Variants in TMEM135 observed in about 807,000 individuals in gnomAD.
TMEM135 encodes the protein transmembrane protein 135.
TMEM135 carries 30 observed loss-of-function variants against 60.3 expected under a neutral mutation model. The ratio of observed to expected loss-of-function variants is 0.50; its 90% confidence interval spans 0.37 to 0.68. TMEM135 has a LOEUF of 0.68. Ranked by LOEUF, TMEM135 falls within the 30% of genes least tolerant of loss-of-function variation. The pLI is 0.00. For synonymous variants in TMEM135, 190 were observed against 186.7 expected (o/e 1.02, Z -0.14); for missense variants, 468 against 548.8 (o/e 0.85, Z 1.47).
chr11:87,223,581 T>TG (rs1378317757), intron 5 of TMEM135, among the ~76,000 whole-genome samples: 2 of 151,954 alleles, frequency 1.3e-5, no homozygotes, highest in African/African-American at 2.4e-5. Context: ...AGTCTGGGCA[T>TG]GGGGGGATCA....
intron 1 of TMEM135, among the ~76,000 whole-genome samples, chr11:87,043,750 A>C (rs75824674): frequency 0.019 from 2,911 of 152,040 alleles, 100 homozygotes; most frequent in East Asian, 0.061. Flanking sequence ...AACAAAAAAA[A>C]CTGTTTAACC....
At chr11:87,292,568 G>T (rs372155868) in intron 6 of TMEM135, among the ~76,000 whole-genome samples, 2 of 152,042 alleles carry the variant, frequency 1.3e-5, no homozygotes, top group South Asian at 2.1e-4. Flanking sequence ...CATTGAACAC[G>T]GATTACAATT....
intron 1 of TMEM135, among the ~76,000 whole-genome samples, chr11:87,065,012 A>G (rs926615545): frequency 2.6e-5 from 4 of 151,740 alleles, no homozygotes; most frequent in African/African-American, 7.3e-5. Context: ...TGTTTCATAT[A>G]TGCTTTTTAT....
intron 5 of TMEM135, among the ~76,000 whole-genome samples, chr11:87,194,411 G>A (rs1487091922): frequency 6.6e-6 from 1 of 152,106 alleles, no homozygotes; most frequent in Non-Finnish European, 1.5e-5. Flanking sequence ...CGTTTAGTGG[G>A]CAAAGACTTT....
At chr11:87,251,075 T>C (rs1045006148) in intron 6 of TMEM135, among the ~76,000 whole-genome samples, 1 of 152,170 alleles carries the variant, frequency 6.6e-6, no homozygotes, top group South Asian at 2.1e-4. Context: ...GTGTGAAAAT[T>C]GAATACAAGC....
intron 6 of TMEM135, among the ~76,000 whole-genome samples, chr11:87,246,509 G>C (rs988551757): frequency 8.5e-5 from 13 of 152,150 alleles, no homozygotes; most frequent in South Asian, 2.1e-4. Context: ...TAGATTTGGT[G>C]TTTTCACATA....
intron 1 of TMEM135, among the ~76,000 whole-genome samples, chr11:87,043,794 G>A (rs1010878769): frequency 1.1e-4 from 17 of 152,022 alleles, no homozygotes; most frequent in Admixed American, 7.9e-4. Flanking sequence ...GAAAGCATAA[G>A]GCCCTTGTTT....
At chr11:87,254,471 A>G (rs1941482602) in intron 6 of TMEM135, among the ~76,000 whole-genome samples, 1 of 152,136 alleles carries the variant, frequency 6.6e-6, no homozygotes, top group African/African-American at 2.4e-5. Context: ...TTCATTTTAA[A>G]TTTGTCATGG....
intron 6 of TMEM135, among the ~76,000 whole-genome samples, chr11:87,239,795 A>G (rs981409453): frequency 6.6e-6 from 1 of 151,938 alleles, no homozygotes; most frequent in East Asian, 1.9e-4. Flanking sequence ...AGTTTCATAA[A>G]TATTTTCCAA....
chr11:87,263,331 T>C (rs1401271986), intron 6 of TMEM135, among the ~76,000 whole-genome samples: 6 of 152,202 alleles, frequency 3.9e-5, no homozygotes, highest in Admixed American at 2.0e-4. Context: ...TAAATTCTGA[T>C]TCTTCATATT....
At chr11:87,125,219 C>CAGAT (rs1271377092) in intron 4 of TMEM135, among the ~76,000 whole-genome samples, 1 of 152,164 alleles carries the variant, frequency 6.6e-6, no homozygotes, top group Non-Finnish European at 1.5e-5. Context: ...GGCCAGGGCA[C>CAGAT]AGATAGCCAA....
rs532120163 is a variant in TMEM135, at chr11:87,202,387, G to A, written c.463-34251G>A. On this transcript the variant is annotated intron_variant, in intron 5 of 14. Coordinates refer to ENST00000305494, the MANE Select transcript of TMEM135 (RefSeq NM_022918.4). ...ATCACCCAGGCTGGAGTGCAGTGGT[G>A]CAATCTCGGCTTACTGCAACCTCTG... Among the ~76,000 whole-genome samples, 4 of 152,220 alleles carry A rather than the reference G, an allele frequency of 2.6e-5. No individual in the cohort carries two copies. The East Asian group carries it at 7.8e-4, about 30-fold the overall frequency.
intron 4 of TMEM135, among the ~76,000 whole-genome samples, chr11:87,157,121 G>A (rs1235753468): frequency 1.3e-5 from 2 of 148,194 alleles, no homozygotes; most frequent in Admixed American, 1.3e-4. Context: ...TCTAGGCAGT[G>A]GCTCAATCAT....
At chr11:87,261,938 A>G (rs1249034068) in intron 6 of TMEM135, among the ~76,000 whole-genome samples, 2 of 152,198 alleles carry the variant, frequency 1.3e-5, no homozygotes, top group African/African-American at 2.4e-5. Flanking sequence ...AATTATTTCT[A>G]TACATACCTT....
intron 5 of TMEM135, among the ~76,000 whole-genome samples, chr11:87,170,545 C>T (rs1939206048): frequency 6.6e-6 from 1 of 152,196 alleles, no homozygotes; most frequent in African/African-American, 2.4e-5. Flanking sequence ...AGTCAGGCCC[C>T]TATGCTGCAG....
At chr11:87,128,532 A>T (rs1034328832) in intron 4 of TMEM135, among the ~76,000 whole-genome samples, 18 of 152,208 alleles carry the variant, frequency 1.2e-4, no homozygotes, top group Admixed American at 1.2e-3. Flanking sequence ...GCAGGTAGTC[A>T]GTAAATATTT....
intron 5 of TMEM135, among the ~76,000 whole-genome samples, chr11:87,167,571 G>A (rs1939090811): frequency 6.6e-6 from 1 of 152,086 alleles, no homozygotes; most frequent in Non-Finnish European, 1.5e-5. Context: ...ATAATCATGT[G>A]GTTTTTGCCA....
chr11:87,193,738 C>T (rs1939869764), intron 5 of TMEM135, among the ~76,000 whole-genome samples: 1 of 148,414 alleles, frequency 6.7e-6, no homozygotes, highest in African/African-American at 2.5e-5. Context: ...TTGAATTGTT[C>T]ACTTAAAGAC....
At chr11:87,318,372 G>GTTTT (rs151135088) in intron 13 of TMEM135, 137 bp downstream of exon 13, 2 of 644,206 alleles carry the variant, frequency 3.1e-6, no homozygotes, top group East Asian at 3.2e-5. Context: ...GTTTTGTTTT[G>GTTTT]TTTTTTTTTC....
Sources: gnomAD v4.1 joint callset for allele counts (sites outside exome capture counted in the v4.1 genomes callset) on GRCh38, gnomAD v4.1.1 for gene constraint, MANE v1.5 for transcripts, NCBI Gene and HGNC (gene_info 2026-07-23, HGNC 2026-07-21) for gene names.